Variants in RIOK1 observed in about 807,000 individuals in gnomAD.
RIOK1 encodes the protein serine/threonine-protein kinase RIO1.
Under a neutral mutation model 73.5 loss-of-function variants are expected in RIOK1, and 66 were observed. The observed-to-expected ratio is 0.90, with a 90% CI of 0.74 to 1.10. The LOEUF (loss-of-function observed/expected upper bound fraction) is 1.10, where lower values mean the gene tolerates loss of function less well. RIOK1 is among the 50% of genes least tolerant of loss of function. The pLI is 0.00. For synonymous variants in RIOK1, 224 were observed against 226.8 expected (o/e 0.99, Z 0.11); for missense variants, 658 against 699.8 (o/e 0.94, Z 0.67).
intron 16 of RIOK1, 93 bp downstream of exon 16, chr6:7,414,483 C>A: frequency 8.5e-7 from 1 of 1,180,310 alleles, no homozygotes; most frequent in Non-Finnish European, 1.2e-6. Context: ...ATTATGATGG[C>A]TGAAAACATT....
chr6:7,393,887 C>T (rs1475076412), intron 2 of RIOK1, among the ~76,000 whole-genome samples: 1 of 152,138 alleles, frequency 6.6e-6, no homozygotes, highest in African/African-American at 2.4e-5. Flanking sequence ...GGGATTAAAC[C>T]TGCTATGGGA....
intron 12 of RIOK1, among the ~76,000 whole-genome samples, chr6:7,406,925 G>A (rs1180176437): frequency 6.6e-6 from 1 of 152,260 alleles, no homozygotes; most frequent in Non-Finnish European, 1.5e-5. Flanking sequence ...GCCTCCCGAA[G>A]TGCTGGGATT....
chr6:7,404,075 T>G, intron 9 of RIOK1, 48 bp downstream of exon 9: 1 of 1,301,548 alleles, frequency 7.7e-7, no homozygotes, highest in Non-Finnish European at 1.1e-6. Flanking sequence ...ACTGTATTTT[T>G]AAGTTCTTTG....
intron 12 of RIOK1, 60 bp from the exon 13 acceptor site, chr6:7,410,326 C>T (rs1172772072): frequency 2.5e-5 from 29 of 1,154,212 alleles, no homozygotes; most frequent in Admixed American, 3.6e-5. Context: ...AAAACTGGGA[C>T]ATGGATGTGC....
In RIOK1 at chr6:7,403,999, G is replaced by A; in HGVS notation, c.826G>A (p.Val276Ile). The change falls in exon 9 of 17, where the codon GTC becomes ATC. Residue 276 changes from valine (V) to isoleucine (I), a missense_variant. Val to Ile is a conservative substitution (Grantham distance 29). Coordinates refer to ENST00000379834, the MANE Select transcript of RIOK1 (RefSeq NM_031480.3). ...AATAATGCTAAGAAGTCATGTTCTTGTCATGAGTTTCATCGGTAAAGATGA... is the reference window on the plus strand; with the variant it reads ...AATAATGCTAAGAAGTCATGTTCTTATCATGAGTTTCATCGGTAAAGATGA... ...EPIMLRSHVL[V>I]MSFIGKDDMP... 1 of 1,611,844 alleles carries A rather than the reference G, an allele frequency of 6.2e-7. No individual in the cohort carries two copies. The highest frequency in any genetic ancestry group is 2.2e-5 in the East Asian group (1 of 44,766).
chr6:7,407,900 G>A (rs1440832122), intron 12 of RIOK1, among the ~76,000 whole-genome samples: 2 of 152,038 alleles, frequency 1.3e-5, no homozygotes, highest in African/African-American at 4.8e-5. Flanking sequence ...TCTGTGACTT[G>A]TCTTTTCACT....
At chr6:7,397,557 A>G (rs543537982) in intron 4 of RIOK1, among the ~76,000 whole-genome samples, 1 of 152,246 alleles carries the variant, frequency 6.6e-6, no homozygotes, top group Non-Finnish European at 1.5e-5. Context: ...CTTCTCTTAT[A>G]TGCTAATAAC....
intron 5 of RIOK1, 57 bp downstream of exon 5, chr6:7,398,797 G>A: frequency 7.1e-7 from 1 of 1,404,802 alleles, no homozygotes; most frequent in Non-Finnish European, 1.0e-6. Context: ...TTCTCTCTTT[G>A]AATTGTAGTT....
Position 7,396,687 on chromosome 6 carries a change from G to T in RIOK1, c.368-16G>T, listed in dbSNP as rs1473939338. ...GTCTTACATATTGTTTACATTGTGG[G>T]TTTCTTGTATTTTAGATAAGCTAAA... On this transcript the variant is annotated splice_polypyrimidine_tract_variant and intron_variant, in intron 3 of 16. Coordinates refer to ENST00000379834, the MANE Select transcript of RIOK1 (RefSeq NM_031480.3). 3 of 1,546,904 alleles carry T rather than the reference G, an allele frequency of 1.9e-6. No individual in the cohort carries two copies. Among genetic ancestry groups the T allele is most frequent in the East Asian group, 2.3e-5 (1 of 44,342 alleles).
At chr6:7,396,963 A>T (rs1761491141) in intron 4 of RIOK1, among the ~76,000 whole-genome samples, 191 bp downstream of exon 4, 1 of 151,786 alleles carries the variant, frequency 6.6e-6, no homozygotes, top group Non-Finnish European at 1.5e-5. Flanking sequence ...TTTGTGAATT[A>T]AAAATATTAA....
intron 4 of RIOK1, 81 bp from the exon 5 acceptor site, chr6:7,398,617 A>C (rs754536107): frequency 9.3e-7 from 1 of 1,072,244 alleles, no homozygotes; most frequent in Non-Finnish European, 1.4e-6. Flanking sequence ...AGGAATTTTC[A>C]TGAAATTATC....
At chr6:7,394,728 A>G (rs1301167679) in intron 2 of RIOK1, among the ~76,000 whole-genome samples, 1 of 152,216 alleles carries the variant, frequency 6.6e-6, no homozygotes, top group Non-Finnish European at 1.5e-5. Context: ...CTTTGGGGGT[A>G]AATGAACATT....
chr6:7,414,531 G>A, intron 16 of RIOK1, 141 bp downstream of exon 16: 2 of 798,410 alleles, frequency 2.5e-6, no homozygotes, highest in Non-Finnish European at 3.8e-6. Flanking sequence ...TAATACCTAA[G>A]TGTGAACTTG....
rs758119800 is a variant in RIOK1 at position 7,404,011 on chromosome 6, A to G, written c.838A>G (p.Ile280Val). Residue 280 changes from isoleucine to valine, a missense_variant, in exon 9 of 17, where the codon ATC (isoleucine) becomes GTC (valine). Physicochemically the swap from Ile to Val is conservative, Grantham distance 29. Coordinates refer to ENST00000379834, the MANE Select transcript of RIOK1 (RefSeq NM_031480.3). ...AAGTCATGTTCTTGTCATGAGTTTC[A>G]TCGGTAAAGATGACATGTAAGTACA... ...LRSHVLVMSF[I>V]GKDDMPAPLL... is the part of the protein sequence containing the mutation. 5 of 1,609,122 alleles carry G rather than the reference A, an allele frequency of 3.1e-6. No individual in the cohort carries two copies. Among genetic ancestry groups the G allele is most frequent in the African/African-American group, 1.3e-5 (1 of 74,936 alleles).
intron 1 of RIOK1, among the ~76,000 whole-genome samples, chr6:7,391,192 A>G (rs1195718546): frequency 1.3e-5 from 2 of 152,254 alleles, no homozygotes; most frequent in Admixed American, 6.5e-5. Flanking sequence ...GATGTTTTCA[A>G]TAAATATATG....
chr6:7,393,903 T>C (rs888150843), intron 2 of RIOK1, among the ~76,000 whole-genome samples: 2 of 152,176 alleles, frequency 1.3e-5, no homozygotes, highest in Admixed American at 1.3e-4. Flanking sequence ...TGGGACTGAT[T>C]CGCACAATGA....
In RIOK1 at chr6:7,405,131, C is replaced by T. The variant is rs1761713494; in HGVS notation, c.1096+110C>T. 3.7e-6 allele frequency: 4 copies of T among 1,079,730 alleles called. No homozygotes were observed. The Admixed American group carries it at 6.0e-5, about 16-fold the overall frequency. The allele number at this position is 1,079,730 out of a possible 1,614,324, so 66.9% of individuals were successfully genotyped here. A position where few individuals can be genotyped will look rare whatever the true frequency, so the allele number is the denominator to read the frequency against. On this transcript the variant is annotated intron_variant, in intron 11 of 16. Coordinates refer to ENST00000379834, the MANE Select transcript of RIOK1 (RefSeq NM_031480.3). ...CACTAAATTGTTTGGTGCAGTGATG[C>T]TTAAACCATTTGCTGGGAGATGGTA... is the stretch of plus-strand genomic sequence containing the variant.
intron 8 of RIOK1, among the ~76,000 whole-genome samples, chr6:7,403,717 A>G (rs1353129285): frequency 6.6e-6 from 1 of 151,692 alleles, no homozygotes; most frequent in Non-Finnish European, 1.5e-5. Flanking sequence ...TGGGTATTAC[A>G]GGTTATGGGA....
chr6:7,404,531 C>G lies in RIOK1; in HGVS notation c.968C>G (p.Ala323Gly), dbSNP rs1294187870. The change falls in exon 10 of 17, where the codon GCA (alanine) becomes GGA (glycine). Residue 323 changes from alanine (A) to glycine (G), a missense_variant. Physicochemically the swap from Ala to Gly is moderately conservative, Grantham distance 60. Coordinates refer to ENST00000379834, the MANE Select transcript of RIOK1 (RefSeq NM_031480.3). ...TATCAGGATGCCAGACTTGTCCATG[C>G]AGATCTCAGTGAATTTAACATGCTG... ...RMYQDARLVH[A>G]DLSEFNMLYH... is the part of the protein sequence containing the mutation. The G allele has an allele frequency of 6.2e-7, 1 of 1,614,084 alleles. No homozygotes were observed. The highest frequency in any genetic ancestry group is 8.5e-7 in the Non-Finnish European group (1 of 1,179,978).
Sources: allele counts gnomAD v4.1 joint callset (sites outside exome capture counted in the v4.1 genomes callset), GRCh38; gene constraint gnomAD v4.1.1; transcripts MANE v1.5; gene names NCBI Gene and HGNC (gene_info 2026-07-23, HGNC 2026-07-21).